The following VAPB variants were observed in gnomAD, a reference collection of about 807,000 sequenced individuals.
The protein encoded by VAPB is vesicle-associated membrane protein-associated protein B/C.
A neutral mutation model predicts 25.6 loss-of-function variants in VAPB; 7 were observed. The observed-to-expected ratio is 0.27, with a 90% CI of 0.16 to 0.51. The LOEUF (loss-of-function observed/expected upper bound fraction) is 0.51, where lower values mean the gene tolerates loss of function less well. Ranked by LOEUF, VAPB falls within the 20% of genes least tolerant of loss-of-function variation. The pLI is 0.97. For synonymous variants in VAPB, 112 were observed against 109.2 expected, an observed-to-expected ratio of 1.03 and a Z score of -0.16; for missense variants, 266 against 301.3, an observed-to-expected ratio of 0.88 and a Z score of 0.87.
intron 2 of VAPB, among the ~76,000 whole-genome samples, chr20:58,424,276 G>A (rs1280327434): frequency 6.6e-6 from 1 of 152,074 alleles, no homozygotes; most frequent in Non-Finnish European, 1.5e-5. Flanking sequence ...TGTTAACCCT[G>A]TCCTGGTTGC....
Position 58,446,800 on chromosome 20 carries a change from C to T in VAPB, c.*2565C>T. On this transcript the variant is annotated 3_prime_UTR_variant, in exon 6 of 6. Transcript: ENST00000475243. ...AAGGTTGATTATTTTCTCAGTCATCCTGGCAGCCAAAAATGTGCCAGGAAA... is the reference window on the plus strand; with the variant it reads ...AAGGTTGATTATTTTCTCAGTCATCTTGGCAGCCAAAAATGTGCCAGGAAA... The T allele has an allele frequency of 2.2e-6, 1 of 454,064 alleles. No homozygotes were observed. Among genetic ancestry groups the T allele is most frequent in the Non-Finnish European group, 4.4e-6 (1 of 226,788 alleles). 28.1% of individuals were successfully genotyped at this position (454,064 alleles called of 1,614,324 possible).
chr20:58,399,916 A>G (rs1394417985), intron 1 of VAPB, among the ~76,000 whole-genome samples: 2 of 152,066 alleles, frequency 1.3e-5, no homozygotes, highest in Admixed American at 6.5e-5. Context: ...CGTGCAAACT[A>G]TGCATTTCTG....
At chr20:58,398,722 A>G (rs1323385164) in intron 1 of VAPB, among the ~76,000 whole-genome samples, 4 of 152,194 alleles carry the variant, frequency 2.6e-5, no homozygotes, top group Non-Finnish European at 5.9e-5. Flanking sequence ...CTAAGCGTTC[A>G]TTTATTTAAT....
chr20:58,403,841 T>TTC (rs1288370665), intron 1 of VAPB, among the ~76,000 whole-genome samples: 1 of 152,236 alleles, frequency 6.6e-6, no homozygotes, highest in East Asian at 1.9e-4. Context: ...ACCGTTTACC[T>TTC]TCTCATCCCC....
intron 2 of VAPB, among the ~76,000 whole-genome samples, chr20:58,427,558 T>C (rs35568245): frequency 6.6e-6 from 1 of 151,752 alleles, no homozygotes; most frequent in Non-Finnish European, 1.5e-5. Context: ...AAAAGTGATC[T>C]GTGATCTGTT....
At position 58,447,505 on chromosome 20, in the gene VAPB, T is replaced by TA; in HGVS notation, c.*3273dup. The TA allele has an allele frequency of 2.2e-6, 1 of 454,116 alleles. No homozygotes were observed. The highest frequency in any genetic ancestry group is 4.4e-6 in the Non-Finnish European group (1 of 226,786). 28.1% of individuals were successfully genotyped at this position (454,116 alleles called of 1,614,324 possible). On this transcript the variant is annotated 3_prime_UTR_variant, in exon 6 of 6. Coordinates refer to ENST00000475243, the MANE Select transcript of VAPB (RefSeq NM_004738.5). ...GAACCTCCAGTGATCCGTGAAAACC[T>TA]AAACGCTTTCAAACAAATCCCAGGA...
At chr20:58,418,106 C>T (rs1988585896) in intron 1 of VAPB, 105 bp from the exon 2 acceptor site, 17 of 1,472,548 alleles carry the variant, frequency 1.2e-5, no homozygotes, top group Admixed American at 1.7e-5. Flanking sequence ...ATGAGATAAT[C>T]GTGGATCTCA....
At chr20:58,427,482 C>T (rs896378672) in intron 2 of VAPB, among the ~76,000 whole-genome samples, 56 of 140,308 alleles carry the variant, frequency 4.0e-4, no homozygotes, top group African/African-American at 9.9e-4. Flanking sequence ...GAAAGTGATC[C>T]GTGATCTGTT....
In VAPB at chr20:58,447,083, A is replaced by T. The variant is rs1423373454; in HGVS notation, c.*2848A>T. On this transcript the variant is annotated 3_prime_UTR_variant, in exon 6 of 6. Transcript: ENST00000475243. ...GGGAGCTGCTGCCAGGCTGCCCTCC[A>T]GTCTGCTCCTGTGGTTACTGGCTCC... 2.2e-6 allele frequency: 1 copy of T among 453,980 alleles called. No homozygotes were observed. The highest frequency in any genetic ancestry group is 6.9e-5 in the East Asian group (1 of 14,406). The allele number at this position is 453,980 out of a possible 1,614,324, so 28.1% of individuals were successfully genotyped here.
chr20:58,448,283 C>T lies in VAPB; in HGVS notation c.*4048C>T, dbSNP rs1212212251. 6.6e-6 allele frequency: 3 copies of T among 453,668 alleles called. No individual in the cohort carries two copies. Among genetic ancestry groups the T allele is most frequent in the Admixed American group, 4.7e-5 (2 of 42,532 alleles). The allele number at this position is 453,668 out of a possible 1,614,324, so 28.1% of individuals were successfully genotyped here. On this transcript the variant is annotated 3_prime_UTR_variant, in exon 6 of 6. Transcript: ENST00000475243. ...AGAGCAGCTCTGAGATCATGCTGGC[C>T]CTACGCGAATTGAGTTTCTGTGGCC...
intron 1 of VAPB, among the ~76,000 whole-genome samples, chr20:58,391,084 G>C (rs540426782): frequency 2.6e-5 from 4 of 152,332 alleles, no homozygotes; most frequent in African/African-American, 7.2e-5. Context: ...GGTAGCTAAA[G>C]TGAAAATAGT....
chr20:58,439,093 G>A lies in VAPB; in HGVS notation c.396+68G>A, dbSNP rs545379952. ...GATACTTATTTGCATACCATTTCCT[G>A]CAAAACCAAGATTTAAGTTGGCAAA... On this transcript the variant is annotated intron_variant, in intron 4 of 5. Coordinates refer to ENST00000475243, the MANE Select transcript of VAPB (RefSeq NM_004738.5). The A allele has an allele frequency of 3.5e-6, 5 of 1,437,736 alleles. 1 individual carries two copies. The South Asian group carries it at 4.6e-5, about 13-fold the overall frequency. The allele number at this position is 1,437,736 out of a possible 1,614,324, so 89.1% of individuals were successfully genotyped here.
intron 1 of VAPB, among the ~76,000 whole-genome samples, chr20:58,390,503 C>T (rs1277054890): frequency 6.6e-6 from 1 of 151,666 alleles, no homozygotes; most frequent in East Asian, 1.9e-4. Context: ...GATGGATGCA[C>T]AAGACAGATA....
intron 1 of VAPB, among the ~76,000 whole-genome samples, chr20:58,415,580 G>A (rs1988520242): frequency 6.6e-6 from 1 of 152,124 alleles, no homozygotes; most frequent in Non-Finnish European, 1.5e-5. Flanking sequence ...TGGTTCTAGA[G>A]ACACATCATT....
Position 58,440,997 on chromosome 20 carries a change from G to T in VAPB, c.487G>T (p.Asp163Tyr). 1.2e-6 allele frequency: 2 copies of T among 1,614,086 alleles called. No homozygotes were observed. The highest frequency in any genetic ancestry group is 2.2e-5 in the South Asian group (2 of 91,074). ...VSKSLSSSLD[D>Y]TEVKKVMEEC... ...TAAGTCTCTGAGTTCTTCTTTGGAT[G>T]ACACCGAAGTTAAGAAGGTTATGGA... is the stretch of plus-strand genomic sequence containing the variant. Residue 163 changes from aspartate to tyrosine, a missense_variant, in exon 5 of 6, where the codon GAC becomes TAC. Transcript: ENST00000475243.
intron 1 of VAPB, among the ~76,000 whole-genome samples, chr20:58,391,909 A>G (rs1232989005): frequency 6.6e-6 from 1 of 152,166 alleles, no homozygotes; most frequent in East Asian, 1.9e-4. Context: ...GTGAGTAGAC[A>G]AGAGTCAGAT....
intron 2 of VAPB, among the ~76,000 whole-genome samples, chr20:58,425,175 C>T (rs780135387): frequency 1.2e-4 from 19 of 152,146 alleles, no homozygotes; most frequent in East Asian, 3.9e-4. Flanking sequence ...GACTTCATTC[C>T]GACCCTGTAA....
In VAPB at chr20:58,448,053, T is replaced by C; in HGVS notation, c.*3818T>C. Reference sequence around the variant, plus strand: ...CCTGAAGAAGGAGAAAGAACCAAACTGAACTATGAAAAGTTACCACTCTGA... The same window carrying C: ...CCTGAAGAAGGAGAAAGAACCAAACCGAACTATGAAAAGTTACCACTCTGA... On this transcript the variant is annotated 3_prime_UTR_variant, in exon 6 of 6. Transcript: ENST00000475243. The C allele has an allele frequency of 2.2e-6, 1 of 454,036 alleles. No homozygotes were observed. The highest frequency in any genetic ancestry group is 4.4e-6 in the Non-Finnish European group (1 of 226,782). The allele number at this position is 454,036 out of a possible 1,614,324, so 28.1% of individuals were successfully genotyped here.
In VAPB at chr20:58,435,001, CTT is replaced by C. The variant is rs1210146701; in HGVS notation, c.315+297_315+298del. ...GGTGTCTTGCATGGTTAGGGATTGC[CTT>C]CTTTCGCCTCTCCTTTCTGCCCCGA... On this transcript the variant is annotated intron_variant, in intron 3 of 5. Transcript: ENST00000475243. Among the ~76,000 whole-genome samples the C allele has an allele frequency of 5.9e-5, 9 of 152,188 alleles. No individual in the cohort carries two copies. In the East Asian group the frequency reaches 1.7e-3, roughly 29 times the overall value.
Sources: allele counts gnomAD v4.1 joint callset (sites outside exome capture counted in the v4.1 genomes callset), GRCh38; gene constraint gnomAD v4.1.1; transcripts MANE v1.5; gene names NCBI Gene and HGNC (gene_info 2026-07-23, HGNC 2026-07-21).